The following ROBO1 variants were observed in gnomAD, a reference collection of about 807,000 sequenced individuals.
ROBO1 encodes the protein roundabout guidance receptor 1.
Under a neutral mutation model 195.9 loss-of-function variants are expected in ROBO1, and 149 were observed. The observed-to-expected ratio is 0.76, with a 90% CI of 0.67 to 0.87. The LOEUF is 0.87. Ranked by LOEUF, ROBO1 falls within the 40% of genes least tolerant of loss-of-function variation. ROBO1 has a pLI of 0.00. For synonymous variants in ROBO1, 816 were observed against 733.2 expected, an observed-to-expected ratio of 1.11 and a Z score of -1.82; for missense variants, 1,933 against 2,068.3, an observed-to-expected ratio of 0.93 and a Z score of 1.27.
chr3:79,189,903 G>T (rs987261559), intron 2 of ROBO1, among the ~76,000 whole-genome samples: 1 of 151,604 alleles, frequency 6.6e-6, no homozygotes, highest in Admixed American at 6.6e-5. Flanking sequence ...AACGTTAAGA[G>T]AATACACTAA....
chr3:79,435,728 T>C (rs1381236343), intron 2 of ROBO1, among the ~76,000 whole-genome samples: 1 of 152,176 alleles, frequency 6.6e-6, no homozygotes, highest in East Asian at 1.9e-4. Context: ...ATTCTGGTTT[T>C]CTGACATTGG....
chr3:78,671,793 A>C (rs1163706396), intron 10 of ROBO1, among the ~76,000 whole-genome samples: 1 of 152,156 alleles, frequency 6.6e-6, no homozygotes, highest in African/African-American at 2.4e-5. Context: ...AATTAAGTCC[A>C]GTAGAAGAAT....
chr3:79,533,460 A>C (rs2107618049), intron 2 of ROBO1, among the ~76,000 whole-genome samples: 1 of 152,294 alleles, frequency 6.6e-6, no homozygotes, highest in Non-Finnish European at 1.5e-5. Context: ...ACATCAAATT[A>C]GTAGTAAATA....
intron 2 of ROBO1, among the ~76,000 whole-genome samples, chr3:79,382,488 T>C (rs1676887105): frequency 1.3e-5 from 2 of 152,146 alleles, no homozygotes; most frequent in South Asian, 4.1e-4. Flanking sequence ...AGACAACTAT[T>C]ACATTATAAT....
In ROBO1 at chr3:78,639,804, T is replaced by C. The variant is rs780491823; in HGVS notation, c.2977A>G (p.Ser993Gly). 25 of 1,613,572 alleles carry C rather than the reference T, an allele frequency of 1.5e-5. No homozygotes were observed. The highest frequency in any genetic ancestry group is 1.7e-5 in the Non-Finnish European group (20 of 1,179,682). The change falls in exon 22 of 31, where the codon AGC becomes GGC. Residue 993 changes from serine (S) to glycine (G), a missense_variant. Ser to Gly is a moderately conservative substitution (Grantham distance 56). Coordinates refer to ENST00000464233, the MANE Select transcript of ROBO1 (RefSeq NM_002941.4). ...TTTCCATTGCCTGCCGTGCAGCAGC[T>C]GATGGAGCAGTCATTGTGGTTGTTG... ...TGNNHNDCSISCCTAGNGNSD... is the reference protein window; with the variant it reads ...TGNNHNDCSIGCCTAGNGNSD...
At chr3:79,708,929 G>T (rs72899826) in intron 1 of ROBO1, among the ~76,000 whole-genome samples, 1,932 of 152,044 alleles carry the variant, frequency 0.013, 37 homozygotes, top group African/African-American at 0.044. Context: ...AACTCATGGG[G>T]TTTTTTGTAT....
chr3:78,962,977 C>T (rs764944215), intron 3 of ROBO1, among the ~76,000 whole-genome samples: 7 of 151,752 alleles, frequency 4.6e-5, no homozygotes, highest in Non-Finnish European at 8.8e-5. Flanking sequence ...GTTTAGCAGA[C>T]ATTAATATTC....
chr3:78,954,271 C>T (rs1288041135), intron 3 of ROBO1, among the ~76,000 whole-genome samples: 1 of 151,952 alleles, frequency 6.6e-6, no homozygotes, highest in Non-Finnish European at 1.5e-5. Context: ...GAAAACATTG[C>T]AAATATATCC....
At chr3:78,809,209 G>T (rs1205855706) in intron 4 of ROBO1, among the ~76,000 whole-genome samples, 2 of 151,364 alleles carry the variant, frequency 1.3e-5, no homozygotes, top group Non-Finnish European at 2.9e-5. Context: ...TTCAAAAGAA[G>T]ATATTTATGT....
intron 8 of ROBO1, among the ~76,000 whole-genome samples, chr3:78,690,970 C>T (rs1002249085): frequency 1.3e-5 from 2 of 152,102 alleles, no homozygotes; most frequent in African/African-American, 4.8e-5. Context: ...CATCCTGAAG[C>T]AATCCTTCCA....
chr3:78,921,209 T>C (rs2038923706), intron 4 of ROBO1, among the ~76,000 whole-genome samples: 1 of 152,190 alleles, frequency 6.6e-6, no homozygotes, highest in African/African-American at 2.4e-5. Context: ...TATAATATGG[T>C]TTTCCACAAA....
intron 27 of ROBO1, among the ~76,000 whole-genome samples, chr3:78,615,044 T>C (rs1431946072): frequency 1.3e-5 from 2 of 152,222 alleles, no homozygotes; most frequent in African/African-American, 4.8e-5. Context: ...GTGCTTTTAT[T>C]CTGTTAAAGT....
intron 2 of ROBO1, among the ~76,000 whole-genome samples, chr3:79,188,358 G>A (rs1252592255): frequency 2.0e-5 from 3 of 151,748 alleles, no homozygotes; most frequent in African/African-American, 7.3e-5. Context: ...GGGGGCACAG[G>A]ATACTTTTTT....
At chr3:78,926,344 G>A (rs1468706371) in intron 4 of ROBO1, among the ~76,000 whole-genome samples, 1 of 152,146 alleles carries the variant, frequency 6.6e-6, no homozygotes, top group Non-Finnish European at 1.5e-5. Context: ...GAGTATTATA[G>A]TTACTAAGAT....
chr3:79,287,514 C>T (rs1576925286), intron 2 of ROBO1, among the ~76,000 whole-genome samples: 1 of 152,118 alleles, frequency 6.6e-6, no homozygotes, highest in Non-Finnish European at 1.5e-5. Flanking sequence ...TCTGCATTTC[C>T]CTTCACAAGT....
chr3:78,826,247 T>C (rs2031587987), intron 4 of ROBO1, among the ~76,000 whole-genome samples: 2 of 152,198 alleles, frequency 1.3e-5, no homozygotes, highest in Admixed American at 1.3e-4. Context: ...GCAATAAATA[T>C]AGAACGCACA....
chr3:78,908,719 C>G (rs561251437), intron 4 of ROBO1, among the ~76,000 whole-genome samples: 1 of 151,946 alleles, frequency 6.6e-6, no homozygotes, highest in East Asian at 1.9e-4. Context: ...AATACAGCAG[C>G]AGTGGTAAGC....
At chr3:78,691,859 T>C (rs910462033) in intron 8 of ROBO1, among the ~76,000 whole-genome samples, 2 of 152,192 alleles carry the variant, frequency 1.3e-5, no homozygotes, top group African/African-American at 4.8e-5. Flanking sequence ...TGAAATCTAA[T>C]TTGTTGTGGA....
At chr3:79,108,204 C>T (rs9866364) in intron 3 of ROBO1, among the ~76,000 whole-genome samples, 73,746 of 151,232 alleles carry the variant, frequency 0.49, 19,151 homozygotes, top group Middle Eastern at 0.61. Flanking sequence ...TAGAAAGTAC[C>T]CCAAGATACA....
Sources: allele counts gnomAD v4.1 joint callset (sites outside exome capture counted in the v4.1 genomes callset), GRCh38; gene constraint gnomAD v4.1.1; transcripts MANE v1.5; gene names NCBI Gene and HGNC (gene_info 2026-07-23, HGNC 2026-07-21).